HCN4: variants seen among roughly 807,000 people sequenced by gnomAD.
HCN4 encodes the protein potassium/sodium hyperpolarization-activated cyclic nucleotide-gated channel 4.
A neutral mutation model predicts 76.9 loss-of-function variants in HCN4; 29 were observed. The ratio of observed to expected loss-of-function variants is 0.38; its 90% CI spans 0.28 to 0.51. HCN4 has a LOEUF of 0.51. HCN4 is among the 20% of genes least tolerant of loss of function. The probability of loss-of-function intolerance (pLI) is 0.90; values close to 1 mark genes in which losing one functional copy is unlikely to be tolerated. For synonymous variants in HCN4, 772 were observed against 762.5 expected, an observed-to-expected ratio of 1.01 and a Z score of -0.21; for missense variants, 1,416 against 1,715.2, an observed-to-expected ratio of 0.83 and a Z score of 3.08.
intron 4 of HCN4, among the ~76,000 whole-genome samples, chr15:73,327,341 C>T (rs2042906195): frequency 6.6e-6 from 1 of 151,468 alleles, no homozygotes; most frequent in African/African-American, 2.4e-5. Context: ...GAACTCTTGA[C>T]CTCAGGTGAT....
intron 1 of HCN4, among the ~76,000 whole-genome samples, chr15:73,361,583 C>T (rs537750471): frequency 2.0e-5 from 3 of 152,338 alleles, no homozygotes; most frequent in African/African-American, 7.2e-5. Flanking sequence ...GCTGCCTCCT[C>T]GGTTCTAAGA....
At chr15:73,341,798 T>C (rs939858158) in intron 2 of HCN4, among the ~76,000 whole-genome samples, 24 of 152,314 alleles carry the variant, frequency 1.6e-4, no homozygotes, top group African/African-American at 2.4e-4. Context: ...ATTTCTGCCA[T>C]GGAGGGACGC....
At position 73,367,929 on chromosome 15, in the gene HCN4, C is replaced by T. The variant is rs1372997661; in HGVS notation, c.342G>A (p.Gly114=). Residue 114 remains glycine (G), a synonymous_variant, in exon 1 of 8, where the codon GGG becomes GGA. Transcript: ENST00000261917. This position sits in a 1 kb window ranked among gnomAD's most constrained non-coding sequence, Gnocchi z 7.5. ...GCAGGTGTCCGTGACTGCTGCCGCT[C>T]CCCGTGCCGCCGCTGCCGCCGCCCC... The part of the protein sequence containing the change: ...GSRGGGSGGT[G]SGSSHGHLHD... 5 of 1,367,886 alleles carry T rather than the reference C, an allele frequency of 3.7e-6. No individual in the cohort carries two copies. The highest frequency in any genetic ancestry group is 4.7e-6 in the Non-Finnish European group (5 of 1,064,238). The allele number at this position is 1,367,886 out of a possible 1,614,324, so 84.7% of individuals were successfully genotyped here.
intron 2 of HCN4, among the ~76,000 whole-genome samples, chr15:73,336,977 A>G (rs1293754807): frequency 6.6e-6 from 1 of 152,186 alleles, no homozygotes; most frequent in Non-Finnish European, 1.5e-5. Flanking sequence ...GCCCAAAGCC[A>G]TCTCTGGCCA....
At chr15:73,366,749 C>T (rs2043130037) in intron 1 of HCN4, among the ~76,000 whole-genome samples, 1 of 152,220 alleles carries the variant, frequency 6.6e-6, no homozygotes, top group African/African-American at 2.4e-5. Flanking sequence ...GAGCTTGGGT[C>T]TCTGGGGTAT....
chr15:73,351,643 C>G (rs1467257600), intron 1 of HCN4, among the ~76,000 whole-genome samples: 2 of 152,220 alleles, frequency 1.3e-5, no homozygotes, highest in Admixed American at 6.5e-5. Flanking sequence ...CCTGGCCAGT[C>G]CAGGACCTCA....
At position 73,322,955 on chromosome 15, in the gene HCN4, A is replaced by T; in HGVS notation, c.3138T>A (p.Ser1046=). 1 of 1,420,662 alleles carries T rather than the reference A, an allele frequency of 7.0e-7. No homozygotes were observed. The highest frequency in any genetic ancestry group is 9.2e-7 in the Non-Finnish European group (1 of 1,081,114). 88.0% of individuals were successfully genotyped at this position (1,420,662 alleles called of 1,614,324 possible). A position where few individuals can be genotyped will look rare whatever the true frequency, so the allele number is the denominator to read the frequency against. The change falls in exon 8 of 8, where the codon TCT becomes TCA. Residue 1046 remains serine (S), a synonymous_variant. Transcript: ENST00000261917. ...RTFPSAPPRA[S]GSHGSLLLPP... ...GCAGGAGCAAGGATCCGTGGGAGCC[A>T]GAGGCCCGGGGCGGGGCACTCGGGA...
intron 1 of HCN4, among the ~76,000 whole-genome samples, chr15:73,364,248 G>T (rs1239972013): frequency 6.6e-6 from 1 of 151,814 alleles, no homozygotes; most frequent in Non-Finnish European, 1.5e-5. Context: ...TTCCACACAG[G>T]GACTTCCCCA....
chr15:73,339,128 G>A (rs1353270564), intron 2 of HCN4, among the ~76,000 whole-genome samples: 2 of 152,216 alleles, frequency 1.3e-5, no homozygotes, highest in Admixed American at 6.5e-5. Flanking sequence ...GAGCCTTGCA[G>A]GGTAACGTCC....
chr15:73,335,810 C>T (rs1434516200), intron 2 of HCN4, among the ~76,000 whole-genome samples: 1 of 152,032 alleles, frequency 6.6e-6, no homozygotes, highest in Admixed American at 6.5e-5. Context: ...AGACTCCTCA[C>T]TGTGGGGAGA....
rs1595820734 is a variant in HCN4, at chr15:73,324,835, A to T, written c.1978+120T>A. On this transcript the variant is annotated intron_variant, in intron 6 of 7. Coordinates refer to ENST00000261917, the MANE Select transcript of HCN4 (RefSeq NM_005477.3). ...TAAGACACCCCTACCCTGGGCTCACAGACACCTCCCTCCAGGCTGTGGCCA... is the reference window on the plus strand; with the variant it reads ...TAAGACACCCCTACCCTGGGCTCACTGACACCTCCCTCCAGGCTGTGGCCA... The T allele has an allele frequency of 4.7e-6, 6 of 1,280,346 alleles. No homozygotes were observed. In the East Asian group the frequency reaches 1.5e-4, roughly 31 times the overall value. 79.3% of individuals were successfully genotyped at this position (1,280,346 alleles called of 1,614,324 possible).
In HCN4 at chr15:73,323,670, G is replaced by A. The variant is rs765405043; in HGVS notation, c.2423C>T (p.Pro808Leu). The A allele has an allele frequency of 6.3e-7, 1 of 1,593,732 alleles. No homozygotes were observed. Among genetic ancestry groups the A allele is most frequent in the East Asian group, 2.2e-5 (1 of 44,680 alleles). The change falls in exon 8 of 8, where the codon CCT (proline) becomes CTT (leucine). Residue 808 changes from proline to leucine, a missense_variant. Physicochemically the swap from Pro to Leu is moderately conservative, Grantham distance 98. Around this residue, in one of 6 missense-constraint regions of HCN4, gnomAD observed 633 missense variants for 579.8 expected, o/e 1.09. Coordinates refer to ENST00000261917, the MANE Select transcript of HCN4 (RefSeq NM_005477.3). ...GTTGCCCAGCCCAGATCCTGGGGGAGGGCGGAAGATGGCAGCAGGCAGGCG... is the reference window on the plus strand; with the variant it reads ...GTTGCCCAGCCCAGATCCTGGGGGAAGGCGGAAGATGGCAGCAGGCAGGCG... ...HPRLPAAIFRPPPGSGLGNLG... is the reference protein window; with the variant it reads ...HPRLPAAIFRLPPGSGLGNLG...
chr15:73,351,769 T>C (rs1371853566), intron 1 of HCN4, among the ~76,000 whole-genome samples: 1 of 152,190 alleles, frequency 6.6e-6, no homozygotes, highest in Non-Finnish European at 1.5e-5. Context: ...TCCAAATTCC[T>C]CACTGTTGTC....
At chr15:73,335,594 C>A (rs1162412387) in intron 2 of HCN4, 1 of 152,458 alleles carries the variant, frequency 6.6e-6, no homozygotes, top group African/African-American at 2.4e-5. Flanking sequence ...CAGCAGAGGA[C>A]CCTGGCCCAC....
chr15:73,343,487 C>T lies in HCN4; in HGVS notation c.1107G>A (p.Lys369=). The T allele has an allele frequency of 6.2e-7, 1 of 1,614,182 alleles. No individual in the cohort carries two copies. Among genetic ancestry groups the T allele is most frequent in the Admixed American group, 1.7e-5 (1 of 60,026 alleles). Residue 369 remains lysine (K), a synonymous_variant, in exon 2 of 8, where the codon AAG becomes AAA. Transcript: ENST00000261917. The surrounding 1 kb of genome is among the most constrained non-coding windows in gnomAD (Gnocchi z 5.7). ...GGACAATGCGCAGGGCCCGGGCAGT[C>T]TTGTAGACCTCCGAGTCGATGCGTG... ...VETRIDSEVY[K]TARALRIVRF...
At chr15:73,349,178 T>C (rs2043041874) in intron 1 of HCN4, among the ~76,000 whole-genome samples, 2 of 152,066 alleles carry the variant, frequency 1.3e-5, no homozygotes, top group South Asian at 4.1e-4. Flanking sequence ...CTCCAACTCA[T>C]ATGCCCTCTG....
chr15:73,336,750 C>T (rs900410940), intron 2 of HCN4, among the ~76,000 whole-genome samples: 1 of 152,100 alleles, frequency 6.6e-6, no homozygotes, highest in Non-Finnish European at 1.5e-5. Flanking sequence ...TCTAAACACC[C>T]GCAAGATGAC....
chr15:73,324,259 A>G lies in HCN4; in HGVS notation c.1979-6T>C. 1 of 1,613,690 alleles carries G rather than the reference A, an allele frequency of 6.2e-7. No homozygotes were observed. The highest frequency in any genetic ancestry group is 8.5e-7 in the Non-Finnish European group (1 of 1,179,814). On this transcript the variant is annotated splice_region_variant and splice_polypyrimidine_tract_variant and intron_variant, in intron 6 of 7. Transcript: ENST00000261917. ...CCGGGTCAGCAGGCAGATCTCTGCC[A>G]GAGCATCAGGACTCAGGATGAGGCA...
At chr15:73,337,424 T>C (rs2042973544) in intron 2 of HCN4, among the ~76,000 whole-genome samples, 1 of 152,192 alleles carries the variant, frequency 6.6e-6, no homozygotes, top group Admixed American at 6.5e-5. Context: ...CAAGGAAGCC[T>C]CCGGGCATGG....
Sources: allele counts gnomAD v4.1 joint callset (sites outside exome capture counted in the v4.1 genomes callset), GRCh38; gene constraint gnomAD v4.1.1; regional missense constraint gnomAD v4.1.1; non-coding constraint Gnocchi (gnomAD v3.1); transcripts MANE v1.5; gene names NCBI Gene and HGNC (gene_info 2026-07-23, HGNC 2026-07-21).